Variants in CTNNA1 observed in about 807,000 individuals in gnomAD.
CTNNA1 encodes the protein catenin alpha-1.
A neutral mutation model predicts 98.4 loss-of-function variants in CTNNA1; 37 were observed. That is an observed-to-expected ratio of 0.38 (90% CI 0.29 to 0.49). The LOEUF is 0.49. CTNNA1 is among the 20% of genes least tolerant of loss of function. The pLI is 0.95. For missense variants in CTNNA1, 761 were observed against 1,147.2 expected (o/e 0.66, Z 4.86); for synonymous variants, 404 against 413.2 (o/e 0.98, Z 0.27).
intron 3 of CTNNA1, among the ~76,000 whole-genome samples, chr5:138,788,269 T>C (rs1755942181): frequency 6.6e-6 from 1 of 152,182 alleles, no homozygotes; most frequent in Admixed American, 6.5e-5. Context: ...ACCTGGTCCG[T>C]GATAGGCACT....
intron 6 of CTNNA1, 24 bp from the exon 7 acceptor site, chr5:138,827,491 C>T: frequency 6.2e-7 from 1 of 1,612,124 alleles, no homozygotes; most frequent in Non-Finnish European, 8.5e-7. Context: ...TGAGTACTAA[C>T]ATTCGGTAAT....
chr5:138,872,762 T>C (rs1345761565), intron 7 of CTNNA1: 3 of 382,824 alleles, frequency 7.8e-6, no homozygotes, highest in Non-Finnish European at 1.4e-5. Context: ...ATACATTTCT[T>C]ATTTTGAAGT....
At chr5:138,766,937 G>C (rs929643865) in intron 1 of CTNNA1, among the ~76,000 whole-genome samples, 3 of 152,172 alleles carry the variant, frequency 2.0e-5, no homozygotes, top group East Asian at 1.9e-4. Context: ...TGTTGCTCAA[G>C]TAGTTGTTAT....
chr5:138,820,260 A>G (rs959779821), intron 5 of CTNNA1, among the ~76,000 whole-genome samples: 2 of 151,794 alleles, frequency 1.3e-5, no homozygotes, highest in African/African-American at 4.8e-5. Flanking sequence ...TTTGGTGGTG[A>G]CTTAGCCTTG....
At chr5:138,757,953 T>A (rs1390138159) in intron 1 of CTNNA1, among the ~76,000 whole-genome samples, 3 of 152,114 alleles carry the variant, frequency 2.0e-5, no homozygotes, top group Non-Finnish European at 4.4e-5. Context: ...TAATCACTGA[T>A]GAAATCCTCT....
At chr5:138,766,942 T>A (rs1317488668) in intron 1 of CTNNA1, among the ~76,000 whole-genome samples, 4 of 152,150 alleles carry the variant, frequency 2.6e-5, no homozygotes, top group African/African-American at 4.8e-5. Flanking sequence ...CTCAAGTAGT[T>A]GTTATGAACA....
At chr5:138,876,060 C>T (rs1751430399) in intron 7 of CTNNA1, among the ~76,000 whole-genome samples, 1 of 152,118 alleles carries the variant, frequency 6.6e-6, no homozygotes. Flanking sequence ...TTTAAATGTC[C>T]TCCTGGGAGG....
chr5:138,931,158 T>C (rs905810638), intron 16 of CTNNA1: 6 of 522,096 alleles, frequency 1.1e-5, no homozygotes, highest in Admixed American at 3.2e-5. Context: ...CCTCTGCTAT[T>C]GTCTCTTATG....
At chr5:138,903,989 C>G (rs557615904) in intron 9 of CTNNA1, among the ~76,000 whole-genome samples, 2 of 152,180 alleles carry the variant, frequency 1.3e-5, no homozygotes, top group African/African-American at 4.8e-5. Flanking sequence ...CAGTTCTTTC[C>G]TGATGCCCTT....
chr5:138,840,242 C>T (rs531034995), intron 7 of CTNNA1, among the ~76,000 whole-genome samples: 9 of 152,344 alleles, frequency 5.9e-5, no homozygotes, highest in Non-Finnish European at 1.3e-4. Context: ...GACATGCCTT[C>T]TGTGACAGGT....
intron 1 of CTNNA1, among the ~76,000 whole-genome samples, chr5:138,775,501 C>G (rs1019216870): frequency 2.0e-5 from 3 of 152,034 alleles, no homozygotes; most frequent in African/African-American, 7.2e-5. Flanking sequence ...TTTTGGCACC[C>G]CTATCTCTAG....
chr5:138,840,076 G>A, intron 7 of CTNNA1, among the ~76,000 whole-genome samples: 1 of 152,226 alleles, frequency 6.6e-6, no homozygotes, highest in East Asian at 1.9e-4. Flanking sequence ...AAAATGCACA[G>A]AGAATCTCTC....
chr5:138,784,756 T>C (rs1426537600), intron 3 of CTNNA1, among the ~76,000 whole-genome samples: 1 of 152,180 alleles, frequency 6.6e-6, no homozygotes, highest in African/African-American at 2.4e-5. Context: ...GATGCCTCTT[T>C]CCTAGCTTCT....
chr5:138,850,425 T>C (rs897813145), intron 7 of CTNNA1, among the ~76,000 whole-genome samples: 1 of 152,234 alleles, frequency 6.6e-6, no homozygotes, highest in Admixed American at 6.5e-5. Context: ...TCGAGTGGCC[T>C]TAGTCTAGGT....
chr5:138,786,316 A>G (rs1266789367), intron 3 of CTNNA1, among the ~76,000 whole-genome samples: 1 of 152,216 alleles, frequency 6.6e-6, no homozygotes, highest in East Asian at 1.9e-4. Flanking sequence ...ACAAATGGTG[A>G]TAAGATCTCT....
Position 138,810,528 on chromosome 5 carries a change from G to C in CTNNA1, c.468+324G>C, listed in dbSNP as rs187812208. Among the ~76,000 whole-genome samples, 529 of 152,220 alleles carry C rather than the reference G, an allele frequency of 3.5e-3. 4 individuals are homozygous for C. Among genetic ancestry groups the C allele is most frequent in the Middle Eastern group, 6.8e-3 (2 of 294 alleles). On this transcript the variant is annotated intron_variant, in intron 4 of 17. Transcript: ENST00000302763. ...GAGAAACCAAGATACATTAAATTTT[G>C]TACTTTTATTTATTTATTTATTTTT... is the stretch of plus-strand genomic sequence containing the variant.
At chr5:138,786,958 C>T (rs1458207330) in intron 3 of CTNNA1, among the ~76,000 whole-genome samples, 1 of 152,204 alleles carries the variant, frequency 6.6e-6, no homozygotes, top group African/African-American at 2.4e-5. Flanking sequence ...ACGTAAAACC[C>T]TGACCTAACT....
At chr5:138,861,905 G>A (rs1764319903) in intron 7 of CTNNA1, among the ~76,000 whole-genome samples, 1 of 152,156 alleles carries the variant, frequency 6.6e-6, no homozygotes, top group African/African-American at 2.4e-5. Context: ...GGGAGAAGCA[G>A]GTAGTAAGCC....
chr5:138,776,065 T>C (rs1301106938), intron 1 of CTNNA1, among the ~76,000 whole-genome samples: 1 of 133,016 alleles, frequency 7.5e-6, no homozygotes, highest in African/African-American at 2.8e-5. Context: ...TTTTTTTTTA[T>C]TGATCATTCT....
Sources: gnomAD v4.1 joint callset for allele counts (sites outside exome capture counted in the v4.1 genomes callset) on GRCh38, gnomAD v4.1.1 for gene constraint, MANE v1.5 for transcripts, NCBI Gene and HGNC (gene_info 2026-07-23, HGNC 2026-07-21) for gene names.